The following PWWP3A variants were observed in gnomAD, a reference collection of about 807,000 sequenced individuals.
PWWP3A encodes the protein PWWP domain-containing DNA repair factor 3A.
Under a neutral mutation model 79.0 loss-of-function variants are expected in PWWP3A, and 53 were observed. The ratio of observed to expected loss-of-function variants is 0.67; its 90% CI spans 0.54 to 0.84. PWWP3A has a LOEUF of 0.84. PWWP3A is among the 40% of genes least tolerant of loss of function. The probability of loss-of-function intolerance (pLI) is 0.00; values close to 1 mark genes in which losing one functional copy is unlikely to be tolerated. For missense variants in PWWP3A, 973 were observed against 948.0 expected, an observed-to-expected ratio of 1.03 and a Z score of -0.35; for synonymous variants, 443 against 394.4, an observed-to-expected ratio of 1.12 and a Z score of -1.46.
At chr19:1,357,585 G>A (rs1434166699) in intron 3 of PWWP3A, 1 of 153,652 alleles carries the variant, frequency 6.5e-6, no homozygotes, top group African/African-American at 2.4e-5. Context: ...GCAAATAACT[G>A]ATGACCAGGC....
Position 1,376,291 on chromosome 19 carries a change from GTTTGTTTTTTTTTTTGTTTGTT to G in PWWP3A, c.2076-224_2076-203del, listed in dbSNP as rs1327427273. ...CAGACATGCGCCACCACGCCCGGCT[GTTTGTTTTTTTTTTTGTTTGTT>G]TTTTTTTTTTTTTGGTATTTTTTGT... is the stretch of plus-strand genomic sequence containing the variant. On this transcript the variant is annotated intron_variant, in intron 13 of 13. Coordinates refer to ENST00000591337, the MANE Select transcript of PWWP3A (RefSeq NM_001369789.1). 1.2e-4 allele frequency among the ~76,000 whole-genome samples: 6 copies of G among 50,852 alleles called. No homozygotes were observed. The Admixed American group carries it at 1.3e-3, about 11-fold the overall frequency. 33.4% of individuals were successfully genotyped at this position (50,852 alleles called of 152,430 possible). A position where few individuals can be genotyped will look rare whatever the true frequency, so the allele number is the denominator to read the frequency against.
chr19:1,360,751 T>C lies in PWWP3A; in HGVS notation c.830T>C (p.Leu277Ser), dbSNP rs2081994046. ...GAGGGACACGACCCCGGTCTGCCGT[T>C]GGGCAGCCTCACTGCGCCCCCAGCC... ...NAEGHDPGLP[L>S]GSLTAPPAPE... The change falls in exon 5 of 14, where the codon TTG (leucine) becomes TCG (serine). Residue 277 changes from leucine (L) to serine (S), a missense_variant. By Grantham distance (145) the Leu-to-Ser change is moderately radical. Transcript: ENST00000591337. This position sits in a 1 kb window ranked among gnomAD's most constrained non-coding sequence, Gnocchi z 4.4. The C allele has an allele frequency of 1.3e-5, 21 of 1,612,216 alleles. No individual in the cohort carries two copies. The highest frequency in any genetic ancestry group is 1.6e-5 in the Non-Finnish European group (19 of 1,179,464).
rs567243368 is a variant in PWWP3A, at chr19:1,367,507, G to A, written c.1422+287G>A. Among the ~76,000 whole-genome samples, 301 of 152,360 alleles carry A rather than the reference G, an allele frequency of 2.0e-3. 3 individuals carry two copies. The highest frequency in any genetic ancestry group is 7.1e-3 in the African/African-American group (294 of 41,588). ...CAGTTTACCCAGGGCCACCAGGCAA[G>A]GCTACAGCAGAGAGCCTCTGCGCAA... On this transcript the variant is annotated intron_variant, in intron 9 of 13. Transcript: ENST00000591337.
intron 7 of PWWP3A, 50 bp from the exon 8 acceptor site, chr19:1,366,255 T>C: frequency 1.3e-6 from 2 of 1,582,556 alleles, no homozygotes; most frequent in Non-Finnish European, 1.7e-6. Flanking sequence ...ATATTTAAAA[T>C]CCACGATCTC....
At position 1,360,479 on chromosome 19, in the gene PWWP3A, A is replaced by G; in HGVS notation, c.558A>G (p.Pro186=). Residue 186 remains proline, a synonymous_variant, in exon 5 of 14, where the codon CCA becomes CCG. Coordinates refer to ENST00000591337, the MANE Select transcript of PWWP3A (RefSeq NM_001369789.1). The surrounding 1 kb of genome is among the most constrained non-coding windows in gnomAD (Gnocchi z 4.4). ...HKKGLRKSEN[P]RGPLVLPAGG... ...AGGGGCTCAGGAAAAGTGAAAACCC[A>G]AGAGGCCCGTTGGTCCTCCCAGCTG... 8 of 1,614,196 alleles carry G rather than the reference A, an allele frequency of 5.0e-6. No homozygotes were observed. The highest frequency in any genetic ancestry group is 6.8e-6 in the Non-Finnish European group (8 of 1,180,024).
At chr19:1,364,041 C>T in intron 6 of PWWP3A, 62 of 392,888 alleles carry the variant, frequency 1.6e-4, no homozygotes, top group South Asian at 3.1e-4. Flanking sequence ...AATAATTTTC[C>T]CATTTTTGAC....
chr19:1,354,981 G>GGGCT lies in PWWP3A; in HGVS notation c.-222_-221insCTGG, dbSNP rs2081803295. 9.0e-6 allele frequency: 1 copy of GGGCT among 111,436 alleles called. No individual in the cohort carries two copies. The highest frequency in any genetic ancestry group is 3.5e-5 in the African/African-American group (1 of 28,902). 6.9% of individuals were successfully genotyped at this position (111,436 alleles called of 1,614,324 possible). On this transcript the variant is annotated 5_prime_UTR_variant, in exon 1 of 14. Transcript: ENST00000591337. ...GGCAAGCCCCGCCCCCGGCCCCGCG[G>GGGCT]GGAGCGGCGGCGGCGGCGGCGGCGG...
At chr19:1,357,156 C>A in intron 3 of PWWP3A, 62 bp downstream of exon 3, 1 of 1,281,416 alleles carries the variant, frequency 7.8e-7, no homozygotes, top group South Asian at 1.3e-5. Context: ...ACTTCAATCC[C>A]CTACTCCCCC....
In PWWP3A at chr19:1,370,891, G is replaced by T; in HGVS notation, c.1799G>T (p.Arg600Leu). ...RAILKSRKPS[R>L]WLQTFLSSSQ... ...ATCCTAAAGAGCAGGAAGCCATCTC[G>T]CTGGCTGCAGACCTTCCTGAGCTCC... Residue 600 changes from arginine to leucine, a missense_variant, in exon 12 of 14, where the codon CGC (arginine) becomes CTC (leucine). Arg to Leu is a moderately radical substitution (Grantham distance 102). Coordinates refer to ENST00000591337, the MANE Select transcript of PWWP3A (RefSeq NM_001369789.1). 1 of 1,555,682 alleles carries T rather than the reference G, an allele frequency of 6.4e-7. No individual in the cohort carries two copies. Among genetic ancestry groups the T allele is most frequent in the Non-Finnish European group, 8.7e-7 (1 of 1,149,270 alleles).
chr19:1,361,154 G>T (rs2082006658), intron 5 of PWWP3A, 122 bp downstream of exon 5: 2 of 977,002 alleles, frequency 2.0e-6, no homozygotes, highest in Non-Finnish European at 2.7e-6. Context: ...TGCCAAAATA[G>T]ACTTAGAGCA....
chr19:1,367,621 A>G (rs971942181), intron 9 of PWWP3A, among the ~76,000 whole-genome samples: 2 of 152,216 alleles, frequency 1.3e-5, no homozygotes, highest in African/African-American at 4.8e-5. Flanking sequence ...GGGCGTCCCT[A>G]GCTCAGCGTC....
At position 1,376,562 on chromosome 19, in the gene PWWP3A, C is replaced by CG. The variant is rs1448976550; in HGVS notation, c.2121dup (p.Arg708AlafsTer28). The CG allele has an allele frequency of 6.2e-7, 1 of 1,613,494 alleles. No individual in the cohort carries two copies. The highest frequency in any genetic ancestry group is 8.5e-7 in the Non-Finnish European group (1 of 1,179,888). ...CAACCAGCTCCTTGAAGAGCGGAACCGGCGCCGTCGGTGAGGGAGCAGCCG... is the reference window on the plus strand; with the variant it reads ...CAACCAGCTCCTTGAAGAGCGGAACCGGGCGCCGTCGGTGAGGGAGCAGCCG... On this transcript the variant is annotated frameshift_variant, in exon 14 of 14. Transcript: ENST00000591337. LOFTEE classifies it high-confidence loss of function.
chr19:1,376,620 C>A lies in PWWP3A; in HGVS notation c.*44C>A, dbSNP rs371173930. The stretch of plus-strand genomic sequence containing the variant: ...TGTCAGCGGGGCCTGGCGGTGGAAG[C>A]GCCTCCAGTGTGCATGAGCGTGTCT... On this transcript the variant is annotated 3_prime_UTR_variant, in exon 14 of 14. Coordinates refer to ENST00000591337, the MANE Select transcript of PWWP3A (RefSeq NM_001369789.1). The A allele has an allele frequency of 1.9e-6, 3 of 1,605,258 alleles. No homozygotes were observed. In the East Asian group the frequency reaches 6.7e-5, roughly 36 times the overall value.
rs1282626074 is a variant in PWWP3A, at chr19:1,377,556, A to G, written c.*980A>G. 1.3e-5 allele frequency: 2 copies of G among 152,384 alleles called. No homozygotes were observed. The highest frequency in any genetic ancestry group is 2.4e-5 in the African/African-American group (1 of 41,462). 9.4% of individuals were successfully genotyped at this position (152,384 alleles called of 1,614,324 possible). A position where few individuals can be genotyped will look rare whatever the true frequency, so the allele number is the denominator to read the frequency against. On this transcript the variant is annotated 3_prime_UTR_variant, in exon 14 of 14. Coordinates refer to ENST00000591337, the MANE Select transcript of PWWP3A (RefSeq NM_001369789.1). ...GTGGCTGCCGGGTCGGCTCTGGTCC[A>G]CAGCACGGTGCCGGGGCTGCAGGTT...
At position 1,366,411 on chromosome 19, in the gene PWWP3A, G is replaced by A. The variant is rs750371086; in HGVS notation, c.1361+30G>A. The stretch of plus-strand genomic sequence containing the variant: ...CCCGCTGTTCTTGGTTTCTGTGAAT[G>A]GGCCTGAGGGGCCAGGCCGGCCGCT... On this transcript the variant is annotated intron_variant, in intron 8 of 13. Transcript: ENST00000591337. 3.8e-6 allele frequency: 6 copies of A among 1,597,934 alleles called. No individual in the cohort carries two copies. The Admixed American group carries it at 1.0e-4, about 27-fold the overall frequency.
intron 13 of PWWP3A, among the ~76,000 whole-genome samples, chr19:1,376,307 G>GTTTTTTTTTTTTTT (rs1300598453): frequency 1.4e-5 from 1 of 70,388 alleles, no homozygotes; most frequent in Non-Finnish European, 2.5e-5. Context: ...TTTTTTTTTT[G>GTTTTTTTTTTTTTT]TTTGTTTTTT....
At chr19:1,362,967 C>T (rs144487665) in intron 6 of PWWP3A, among the ~76,000 whole-genome samples, 174 of 152,382 alleles carry the variant, frequency 1.1e-3, no homozygotes, top group South Asian at 3.5e-3. Context: ...GAGACTCGCC[C>T]GTGAACCATT....
rs933485153 is a variant in PWWP3A at position 1,373,359 on chromosome 19, G to A, written c.2075+199G>A. The A allele has an allele frequency of 9.5e-5, 56 of 592,386 alleles. 1 individual carries two copies. The highest frequency in any genetic ancestry group is 8.8e-4 in the South Asian group (44 of 50,012). The allele number at this position is 592,386 out of a possible 1,614,324, so 36.7% of individuals were successfully genotyped here. A position where few individuals can be genotyped will look rare whatever the true frequency, so the allele number is the denominator to read the frequency against. Reference sequence around the variant, plus strand: ...CCTGCCCCCCAGGAAGGCTGTGCCCGGGTCTCCCAGCTGGTCGCTGTGGGC... The same window carrying A: ...CCTGCCCCCCAGGAAGGCTGTGCCCAGGTCTCCCAGCTGGTCGCTGTGGGC... On this transcript the variant is annotated intron_variant, in intron 13 of 13. Coordinates refer to ENST00000591337, the MANE Select transcript of PWWP3A (RefSeq NM_001369789.1).
intron 3 of PWWP3A, chr19:1,357,399 C>CTTTTTTTTTTTTTTTTTTTT (rs66856576): frequency 7.8e-6 from 1 of 127,882 alleles, no homozygotes; most frequent in Admixed American, 8.4e-5. Flanking sequence ...GGGATATTTC[C>CTTTTTTTTTTTTTTTTTTTT]TTTTTTTTTT....
Sources: allele counts gnomAD v4.1 joint callset (sites outside exome capture counted in the v4.1 genomes callset), GRCh38; gene constraint gnomAD v4.1.1; non-coding constraint Gnocchi (gnomAD v3.1); transcripts MANE v1.5; gene names NCBI Gene and HGNC (gene_info 2026-07-23, HGNC 2026-07-21).